Variants in CALN1 observed in about 807,000 individuals in gnomAD.
CALN1 encodes calcium-binding protein 8.
CALN1 carries 17 observed loss-of-function variants against 30.6 expected under a neutral mutation model. The ratio of observed to expected loss-of-function variants is 0.56; its 90% CI spans 0.38 to 0.83. CALN1 has a LOEUF of 0.83. Ranked by LOEUF, CALN1 falls within the 40% of genes least tolerant of loss-of-function variation. CALN1 has a pLI of 0.00. For synonymous variants in CALN1, 156 were observed against 131.4 expected (o/e 1.19, Z -1.28); for missense variants, 291 against 354.9 (o/e 0.82, Z 1.45).
intron 3 of CALN1, among the ~76,000 whole-genome samples, chr7:72,181,197 T>C (rs999662173): frequency 4.0e-5 from 6 of 148,640 alleles, no homozygotes; most frequent in African/African-American, 1.2e-4. Flanking sequence ...TATGTATGTA[T>C]TGTTAGAAAC....
intron 5 of CALN1, among the ~76,000 whole-genome samples, chr7:71,897,985 A>AC (rs1562881933): frequency 3.3e-5 from 4 of 119,704 alleles, no homozygotes; most frequent in African/African-American, 1.1e-4. Context: ...AAAAAAAAAA[A>AC]AAAAAAAGAG....
intron 5 of CALN1, among the ~76,000 whole-genome samples, chr7:72,020,459 A>AT (rs1447125739): frequency 6.6e-6 from 1 of 152,062 alleles, no homozygotes; most frequent in East Asian, 1.9e-4. Flanking sequence ...TTTAAGTACC[A>AT]TTTTTTCACG....
chr7:72,290,857 A>C (rs1798429276), intron 2 of CALN1, among the ~76,000 whole-genome samples: 1 of 151,732 alleles, frequency 6.6e-6, no homozygotes, highest in East Asian at 1.9e-4. Flanking sequence ...TTTTATAAAC[A>C]CACCTCTTAT....
At chr7:72,236,150 C>G (rs1266909330) in intron 3 of CALN1, among the ~76,000 whole-genome samples, 1 of 151,022 alleles carries the variant, frequency 6.6e-6, no homozygotes, top group African/African-American at 2.4e-5. Flanking sequence ...CAATTTCTTA[C>G]AAGCTGAAAA....
rs1298970029 is a variant in CALN1, at chr7:71,852,207, G to A, written c.502-41715C>T. On this transcript the variant is annotated intron_variant, in intron 5 of 6. Coordinates refer to ENST00000395275, the MANE Select transcript of CALN1 (RefSeq NM_031468.4). ...GTTGATTGACATTTGGTTGTGTCTA[G>A]TTTGTTGCTATTACGATCAAGACTC... Among the ~76,000 whole-genome samples the A allele has an allele frequency of 2.0e-5, 3 of 152,262 alleles. 1 individual carries two copies. Among genetic ancestry groups the A allele is most frequent in the East Asian group, 3.9e-4 (2 of 5,188 alleles).
intron 5 of CALN1, among the ~76,000 whole-genome samples, chr7:71,919,679 T>C (rs1431860894): frequency 6.6e-6 from 1 of 152,148 alleles, no homozygotes; most frequent in Admixed American, 6.5e-5. Context: ...AAAGGAAGAC[T>C]GGTTTTCCAG....
At chr7:72,281,148 A>AAG (rs1166510051) in intron 2 of CALN1, among the ~76,000 whole-genome samples, 1 of 151,430 alleles carries the variant, frequency 6.6e-6, no homozygotes, top group African/African-American at 2.4e-5. Context: ...AAAAAAAAAA[A>AAG]GATGAATTCA....
chr7:71,810,589 A>T, intron 5 of CALN1, 97 bp from the exon 6 acceptor site: 3 of 1,263,976 alleles, frequency 2.4e-6, no homozygotes, highest in Non-Finnish European at 3.3e-6. Flanking sequence ...CTCTGCAGAA[A>T]CTTGTCTCAG....
chr7:71,862,298 C>A (rs2116670935), intron 5 of CALN1, among the ~76,000 whole-genome samples: 1 of 152,314 alleles, frequency 6.6e-6, no homozygotes, highest in South Asian at 2.1e-4. Context: ...TGTCCCTACC[C>A]AAATCTCATC....
At chr7:72,485,631 G>A in the CALN1 span, among the ~76,000 whole-genome samples, 1 of 152,186 alleles carries the variant, frequency 6.6e-6, no homozygotes, top group Admixed American at 6.5e-5. Context: ...CAGCACTTTG[G>A]GAGGCCCAGG....
At chr7:72,245,639 TAAA>T (rs1795110521) in intron 3 of CALN1, among the ~76,000 whole-genome samples, 1 of 151,174 alleles carries the variant, frequency 6.6e-6, no homozygotes, top group South Asian at 2.1e-4. Flanking sequence ...AATAAATAAA[TAAA>T]TAAATAAATA....
At position 72,046,377 on chromosome 7, in the gene CALN1, A is replaced by G. The variant is rs573496189; in HGVS notation, c.389-22608T>C. 1.6e-4 allele frequency among the ~76,000 whole-genome samples: 24 copies of G among 152,108 alleles called. No homozygotes were observed. The South Asian group carries it at 3.9e-3, about 25-fold the overall frequency. ...TGCCTCAACCTCCTGAGTAGCTGAGACTACAGGCACACACCACCATGCCTA... is the reference window on the plus strand; with the variant it reads ...TGCCTCAACCTCCTGAGTAGCTGAGGCTACAGGCACACACCACCATGCCTA... On this transcript the variant is annotated intron_variant, in intron 4 of 6. Coordinates refer to ENST00000395275, the MANE Select transcript of CALN1 (RefSeq NM_031468.4).
chr7:71,932,781 A>G (rs1795624276), intron 5 of CALN1, among the ~76,000 whole-genome samples: 2 of 145,306 alleles, frequency 1.4e-5, no homozygotes, highest in South Asian at 4.4e-4. Context: ...GCATCACTGC[A>G]CTCCAGCCTG....
the CALN1 span, among the ~76,000 whole-genome samples, chr7:72,491,978 A>G: frequency 4.7e-4 from 72 of 152,218 alleles, no homozygotes; most frequent in Non-Finnish European, 8.5e-4. Context: ...GGGGCAAACT[A>G]TGGAGGCCAA....
chr7:71,902,244 C>T (rs1284901854), intron 5 of CALN1, among the ~76,000 whole-genome samples: 1 of 129,728 alleles, frequency 7.7e-6, no homozygotes, highest in African/African-American at 3.2e-5. Context: ...AACCAACCAA[C>T]CAACCAACCA....
chr7:71,860,404 G>A (rs748612787), intron 5 of CALN1, among the ~76,000 whole-genome samples: 1 of 152,122 alleles, frequency 6.6e-6, no homozygotes, highest in African/African-American at 2.4e-5. Flanking sequence ...TGCTGGCCAA[G>A]CTGGTCTTGA....
intron 5 of CALN1, among the ~76,000 whole-genome samples, chr7:71,899,355 C>G (rs1793725188): frequency 6.6e-6 from 1 of 152,130 alleles, no homozygotes. Flanking sequence ...GTTGGTCAGG[C>G]TGGTCTCGAA....
chr7:72,016,017 G>A (rs975473032), intron 5 of CALN1, among the ~76,000 whole-genome samples: 1 of 152,138 alleles, frequency 6.6e-6, no homozygotes, highest in Non-Finnish European at 1.5e-5. Context: ...GGGAGGCTGA[G>A]GCCGGCACAT....
At chr7:71,901,267 T>A (rs942447018) in intron 5 of CALN1, among the ~76,000 whole-genome samples, 1 of 152,102 alleles carries the variant, frequency 6.6e-6, no homozygotes, top group African/African-American at 2.4e-5. Flanking sequence ...TTAGATAACA[T>A]GAACAAATAG....
Sources: allele counts gnomAD v4.1 joint callset (sites outside exome capture counted in the v4.1 genomes callset), GRCh38; gene constraint gnomAD v4.1.1; transcripts MANE v1.5; gene names NCBI Gene and HGNC (gene_info 2026-07-23, HGNC 2026-07-21).